Variants in MEMO1 observed in about 807,000 individuals in gnomAD.
MEMO1 encodes the protein mediator of cell motility 1.
In MEMO1, 6 loss-of-function variants were observed where a neutral mutation model predicts 45.2. The observed-to-expected ratio is 0.13, with a 90% confidence interval of 0.07 to 0.26. The LOEUF (loss-of-function observed/expected upper bound fraction) is 0.26. Ranked by LOEUF, MEMO1 falls within the 10% of genes least tolerant of loss-of-function variation. The pLI is 1.00. For missense variants in MEMO1, 184 were observed against 370.5 expected (o/e 0.50, Z 4.13); for synonymous variants, 78 against 124.3 (o/e 0.63, Z 2.48).
Position 32,005,932 on chromosome 2 carries a change from G to A in MEMO1, c.61+4255C>T, listed in dbSNP as rs573264327. The stretch of plus-strand genomic sequence containing the variant: ...AAGCACCAGGGTAGGTTTCTTGGAG[G>A]TGTTAACACTTGAGTCTTCAAAAGA... On this transcript the variant is annotated intron_variant, in intron 2 of 9. Transcript: ENST00000404530. 1.1e-4 allele frequency among the ~76,000 whole-genome samples: 16 copies of A among 152,266 alleles called. No homozygotes were observed. In the East Asian group the frequency reaches 2.7e-3, roughly 26 times the overall value.
At chr2:31,944,990 CT>C (rs1666029382) in intron 2 of MEMO1, among the ~76,000 whole-genome samples, 1 of 152,148 alleles carries the variant, frequency 6.6e-6, no homozygotes, top group Admixed American at 6.5e-5. Context: ...GAATACCTTG[CT>C]GATCCCTTTG....
chr2:31,991,226 G>T (rs1246588122), intron 2 of MEMO1, among the ~76,000 whole-genome samples: 1 of 152,142 alleles, frequency 6.6e-6, no homozygotes, highest in Non-Finnish European at 1.5e-5. Context: ...GGGGAACATG[G>T]AATACACAAG....
At chr2:31,965,381 T>C (rs952803914) in intron 2 of MEMO1, among the ~76,000 whole-genome samples, 1 of 151,816 alleles carries the variant, frequency 6.6e-6, no homozygotes. Flanking sequence ...GAGAAACTAA[T>C]GCTGGGAGGC....
chr2:31,975,751 TAAA>T (rs1226362252), intron 2 of MEMO1, among the ~76,000 whole-genome samples: 1 of 152,154 alleles, frequency 6.6e-6, no homozygotes, highest in Non-Finnish European at 1.5e-5. Context: ...ACTCATATAT[TAAA>T]AATATAGAGA....
intron 2 of MEMO1, among the ~76,000 whole-genome samples, chr2:31,987,334 C>G (rs1309158644): frequency 3.3e-5 from 5 of 152,006 alleles, no homozygotes; most frequent in Non-Finnish European, 7.4e-5. Context: ...ACACAACAAA[C>G]AAGGAGAATG....
At chr2:31,983,430 T>A (rs1034600742) in intron 2 of MEMO1, among the ~76,000 whole-genome samples, 17 of 151,980 alleles carry the variant, frequency 1.1e-4, no homozygotes, top group Admixed American at 1.0e-3. Flanking sequence ...CAAATCTTAG[T>A]TTTTTGTTTT....
intron 2 of MEMO1, among the ~76,000 whole-genome samples, chr2:31,957,142 C>CA (rs754542523): frequency 0.032 from 2,495 of 77,434 alleles, 42 homozygotes; most frequent in Middle Eastern, 0.14. Flanking sequence ...AACTCCGTCT[C>CA]AAAAAAAAAA....
chr2:31,869,778 T>G, intron 9 of MEMO1, 70 bp downstream of exon 9: 1 of 1,467,344 alleles, frequency 6.8e-7, no homozygotes, highest in Non-Finnish European at 9.1e-7. Context: ...TGCCATTGTA[T>G]CACAATGATA....
At chr2:31,934,469 TA>T (rs569406028) in intron 3 of MEMO1, among the ~76,000 whole-genome samples, 2,590 of 133,786 alleles carry the variant, frequency 0.019, 108 homozygotes, top group Admixed American at 0.11. Flanking sequence ...ATTTCAAAAT[TA>T]AAAAAAAAAA....
chr2:31,969,586 G>GGTGGGTGGGTGT (rs1273367737), intron 2 of MEMO1, among the ~76,000 whole-genome samples: 2 of 119,264 alleles, frequency 1.7e-5, no homozygotes, highest in East Asian at 4.9e-4. Flanking sequence ...TGTGTGTGTG[G>GGTGGGTGGGTGT]GTGTGTGTGT....
At chr2:32,004,240 C>T (rs902719954) in intron 2 of MEMO1, among the ~76,000 whole-genome samples, 1 of 151,482 alleles carries the variant, frequency 6.6e-6, no homozygotes, top group Non-Finnish European at 1.5e-5. Flanking sequence ...CACCAAGATT[C>T]TAAAAGGGCA....
chr2:31,937,235 T>C (rs1253400554), intron 3 of MEMO1, among the ~76,000 whole-genome samples: 1 of 152,224 alleles, frequency 6.6e-6, no homozygotes, highest in African/African-American at 2.4e-5. Context: ...AGTTAGATAG[T>C]TATTATTCAG....
At chr2:31,877,719 TTAA>T (rs1218533451) in intron 8 of MEMO1, among the ~76,000 whole-genome samples, 1 of 152,184 alleles carries the variant, frequency 6.6e-6, no homozygotes, top group African/African-American at 2.4e-5. Context: ...TGTTTTTACA[TTAA>T]TAATACTATT....
intron 2 of MEMO1, among the ~76,000 whole-genome samples, chr2:31,985,042 T>C (rs1275340038): frequency 1.3e-5 from 2 of 152,128 alleles, no homozygotes; most frequent in African/African-American, 4.8e-5. Context: ...CTTTCCAAAC[T>C]AAAAGGTCAT....
intron 2 of MEMO1, among the ~76,000 whole-genome samples, chr2:31,960,029 C>T (rs1207873363): frequency 1.3e-5 from 2 of 152,040 alleles, no homozygotes; most frequent in Non-Finnish European, 2.9e-5. Context: ...CAAGACCAGC[C>T]TGGCTAAAAG....
intron 3 of MEMO1, among the ~76,000 whole-genome samples, chr2:31,933,254 TTACAGTGAGCTATGATCACGCCCAC>T (rs1332268453): frequency 2.2e-5 from 3 of 133,700 alleles, no homozygotes; most frequent in Non-Finnish European, 4.7e-5. Context: ...AAGTTCTATA[TTACAGTGAGCTATGATCACGCCCAC>T]ACACCAGCCT....
chr2:31,909,091 G>A (rs555285664), intron 6 of MEMO1, among the ~76,000 whole-genome samples: 1 of 152,212 alleles, frequency 6.6e-6, no homozygotes, highest in South Asian at 2.1e-4. Flanking sequence ...TAACAAATTG[G>A]GTGTAGAAGG....
intron 2 of MEMO1, among the ~76,000 whole-genome samples, chr2:31,943,779 T>A (rs1186310174): frequency 2.0e-5 from 3 of 152,156 alleles, no homozygotes; most frequent in Admixed American, 6.5e-5. Flanking sequence ...TGAAATGACA[T>A]CCACAGAAGG....
chr2:31,924,291 C>T (rs745647952), intron 4 of MEMO1, among the ~76,000 whole-genome samples: 1 of 151,870 alleles, frequency 6.6e-6, no homozygotes, highest in Non-Finnish European at 1.5e-5. Context: ...ATGCTAGATC[C>T]GTAAACACCA....
Sources: gnomAD v4.1 joint callset for allele counts (sites outside exome capture counted in the v4.1 genomes callset) on GRCh38, gnomAD v4.1.1 for gene constraint, MANE v1.5 for transcripts, NCBI Gene and HGNC (gene_info 2026-07-23, HGNC 2026-07-21) for gene names.